The following SORCS1 variants were observed in gnomAD, a reference collection of about 807,000 sequenced individuals.
SORCS1 encodes sortilin related VPS10 domain containing receptor 1, also known as VPS10 domain-containing receptor SorCS1.
Under a neutral mutation model 146.1 loss-of-function variants are expected in SORCS1, and 60 were observed. That is an observed-to-expected ratio of 0.41 (90% CI 0.33 to 0.51). The LOEUF is 0.51. Ranked by LOEUF, SORCS1 falls within the 20% of genes least tolerant of loss-of-function variation. The probability of loss-of-function intolerance (pLI) is 0.21; values close to 1 mark genes in which losing one functional copy is unlikely to be tolerated. For synonymous variants in SORCS1, 637 were observed against 584.0 expected, an observed-to-expected ratio of 1.09 and a Z score of -1.31; for missense variants, 1,352 against 1,487.6, an observed-to-expected ratio of 0.91 and a Z score of 1.50.
At chr10:106,930,542 T>C (rs1355169418) in intron 2 of SORCS1, among the ~76,000 whole-genome samples, 1 of 152,202 alleles carries the variant, frequency 6.6e-6, no homozygotes, top group East Asian at 1.9e-4. Context: ...TATTTATGTA[T>C]CTGAGCATCT....
At chr10:106,711,812 C>T (rs1361978751) in intron 6 of SORCS1, among the ~76,000 whole-genome samples, 1 of 152,172 alleles carries the variant, frequency 6.6e-6, no homozygotes, top group East Asian at 1.9e-4. Flanking sequence ...ACTATCCCTT[C>T]CCAGAACGAT....
chr10:106,716,753 C>T lies in SORCS1; in HGVS notation c.1025-7412G>A, dbSNP rs148390017. Among the ~76,000 whole-genome samples the T allele has an allele frequency of 3.6e-3, 551 of 152,304 alleles. 1 individual carries two copies. The highest frequency in any genetic ancestry group is 0.013 in the South Asian group (65 of 4,824). ...TCTTCATTGATAACAGCAGCAGCAG[C>T]ACTAACCTCCAAAATAACCAGAGCA... On this transcript the variant is annotated intron_variant, in intron 6 of 25. Transcript: ENST00000263054.
At chr10:106,941,018 CT>C (rs1395485208) in intron 2 of SORCS1, among the ~76,000 whole-genome samples, 12 of 152,198 alleles carry the variant, frequency 7.9e-5, no homozygotes, top group African/African-American at 2.7e-4. Context: ...TTCTTTACTG[CT>C]TAGTATCTTT....
chr10:107,168,753 G>A (rs1319572801), upstream of SORCS1, among the ~76,000 whole-genome samples: 1 of 149,990 alleles, frequency 6.7e-6, no homozygotes, highest in Non-Finnish European at 1.5e-5. Flanking sequence ...TAAGTAACTA[G>A]GGTCACACAG....
At chr10:106,672,164 G>A (rs990299963) in intron 15 of SORCS1, among the ~76,000 whole-genome samples, 1 of 152,138 alleles carries the variant, frequency 6.6e-6, no homozygotes, top group African/African-American at 2.4e-5. Flanking sequence ...ATATTACTTA[G>A]TCTAGGTTTG....
intron 2 of SORCS1, among the ~76,000 whole-genome samples, chr10:106,858,238 C>A (rs1438237582): frequency 6.6e-6 from 1 of 152,116 alleles, no homozygotes; most frequent in Non-Finnish European, 1.5e-5. Context: ...ATCTATCTAG[C>A]AGTCTGTTCC....
chr10:107,039,274 G>A (rs747408728), intron 1 of SORCS1, among the ~76,000 whole-genome samples: 7 of 149,686 alleles, frequency 4.7e-5, no homozygotes, highest in Non-Finnish European at 3.0e-5. Flanking sequence ...TTTGCAGTGA[G>A]CGTAGATCGC....
rs767994014 is a variant in SORCS1, at chr10:106,652,466, C to T, written c.2391G>A (p.Pro797=). The change falls in exon 18 of 26, where the codon CCG becomes CCA. Residue 797 remains proline, a synonymous_variant. Coordinates refer to ENST00000263054, the MANE Select transcript of SORCS1 (RefSeq NM_052918.5). ...AKPQKCPGKA[P]RGLRIVTADG... is the part of the protein sequence containing the mutation. Reference sequence around the variant, plus strand: ...CAGCCGTGACTATCCGCAGCCCCCGCGGGGCTTTCCCTGGGCACTTCTGCG... The same window carrying T: ...CAGCCGTGACTATCCGCAGCCCCCGTGGGGCTTTCCCTGGGCACTTCTGCG... 5.7e-5 allele frequency: 92 copies of T among 1,613,992 alleles called. No homozygotes were observed. Among genetic ancestry groups the T allele is most frequent in the Non-Finnish European group, 7.1e-5 (84 of 1,180,004 alleles).
intron 1 of SORCS1, among the ~76,000 whole-genome samples, chr10:107,063,402 G>GA (rs1173155831): frequency 6.6e-6 from 1 of 152,164 alleles, no homozygotes; most frequent in Non-Finnish European, 1.5e-5. Context: ...CAAGCTTGTG[G>GA]AAAGCTGACA....
intron 6 of SORCS1, among the ~76,000 whole-genome samples, chr10:106,729,004 C>T (rs767900898): frequency 2.0e-5 from 3 of 152,088 alleles, no homozygotes; most frequent in Non-Finnish European, 4.4e-5. Context: ...ACCCCCTCAC[C>T]TGGAGTGCTC....
intron 18 of SORCS1, among the ~76,000 whole-genome samples, chr10:106,640,592 G>A (rs924173533): frequency 3.3e-5 from 5 of 152,134 alleles, no homozygotes; most frequent in Admixed American, 2.0e-4. Context: ...TCTCTCAAAC[G>A]AATGCCTCCC....
chr10:106,592,709 G>A (rs1224155679), intron 24 of SORCS1, among the ~76,000 whole-genome samples: 1 of 151,760 alleles, frequency 6.6e-6, no homozygotes, highest in Non-Finnish European at 1.5e-5. Flanking sequence ...GCCTACAGGG[G>A]GGATGAGAGA....
chr10:106,791,653 C>T (rs576000650), intron 3 of SORCS1, among the ~76,000 whole-genome samples: 4 of 152,040 alleles, frequency 2.6e-5, no homozygotes, highest in Admixed American at 1.3e-4. Context: ...GAGCTGAGAT[C>T]GGGCCACTGC....
At chr10:106,701,242 G>C (rs1854119180) in intron 8 of SORCS1, among the ~76,000 whole-genome samples, 1 of 151,888 alleles carries the variant, frequency 6.6e-6, no homozygotes, top group Non-Finnish European at 1.5e-5. Flanking sequence ...CCAAGTGTAT[G>C]GATTGATGTT....
intron 2 of SORCS1, among the ~76,000 whole-genome samples, chr10:106,935,052 CA>C (rs1953642462): frequency 6.6e-6 from 1 of 151,838 alleles, no homozygotes; most frequent in Non-Finnish European, 1.5e-5. Context: ...ACGAGTACCC[CA>C]AAAACTACTG....
At chr10:106,731,406 C>T (rs1856592031) in intron 5 of SORCS1, among the ~76,000 whole-genome samples, 1 of 151,960 alleles carries the variant, frequency 6.6e-6, no homozygotes, top group African/African-American at 2.4e-5. Flanking sequence ...CATCTCCTGC[C>T]ACACTGAAAG....
At chr10:106,978,609 C>A (rs1564881084) in intron 1 of SORCS1, among the ~76,000 whole-genome samples, 1 of 152,018 alleles carries the variant, frequency 6.6e-6, no homozygotes, top group South Asian at 2.1e-4. Context: ...ACCAGCCTGA[C>A]CAACATGGTG....
chr10:106,881,135 A>G (rs1481808627), intron 2 of SORCS1, among the ~76,000 whole-genome samples: 4 of 151,810 alleles, frequency 2.6e-5, no homozygotes, highest in Non-Finnish European at 5.9e-5. Context: ...CATGACAAAG[A>G]GCAATGACTT....
chr10:106,591,537 G>T (rs1845604028), intron 24 of SORCS1, among the ~76,000 whole-genome samples: 1 of 152,100 alleles, frequency 6.6e-6, no homozygotes, highest in Admixed American at 6.6e-5. Context: ...ATCTCTGCAG[G>T]CTATAAATTA....
Sources: gnomAD v4.1 joint callset for allele counts (sites outside exome capture counted in the v4.1 genomes callset) on GRCh38, gnomAD v4.1.1 for gene constraint, MANE v1.5 for transcripts, NCBI Gene and HGNC (gene_info 2026-07-23, HGNC 2026-07-21) for gene names.